CROCC: variants seen among roughly 807,000 people sequenced by gnomAD.
The protein encoded by CROCC is ciliary rootlet coiled-coil, rootletin.
A neutral mutation model predicts 245.2 loss-of-function variants in CROCC; 180 were observed. That is an observed-to-expected ratio of 0.73 (90% CI 0.65 to 0.83). The LOEUF is 0.83. CROCC is among the 40% of genes least tolerant of loss of function. The probability of loss-of-function intolerance (pLI) is 0.00; values close to 1 mark genes in which losing one functional copy is unlikely to be tolerated. For missense variants in CROCC, 2,688 were observed against 2,779.4 expected (o/e 0.97, Z 0.74); for synonymous variants, 1,205 against 1,241.6 (o/e 0.97, Z 0.62).
intron 7 of CROCC, 97 bp downstream of exon 7, chr1:16,930,691 T>A: frequency 7.1e-7 from 1 of 1,410,972 alleles, no homozygotes; most frequent in South Asian, 1.4e-5. Flanking sequence ...GAGGGAGCAC[T>A]GTCCAAGGGA....
At chr1:16,942,186 T>C (rs1327804242) in intron 13 of CROCC, among the ~76,000 whole-genome samples, 1 of 152,240 alleles carries the variant, frequency 6.6e-6, no homozygotes, top group Non-Finnish European at 1.5e-5. Context: ...AATTTTTCTG[T>C]TTTTTGTAGA....
chr1:16,961,078 C>T lies in CROCC; in HGVS notation c.4353C>T (p.Ser1451=), dbSNP rs1479176028. The T allele has an allele frequency of 1.6e-5, 22 of 1,362,452 alleles. No homozygotes were observed. The highest frequency in any genetic ancestry group is 2.0e-5 in the Non-Finnish European group (21 of 1,061,244). 84.4% of individuals were successfully genotyped at this position (1,362,452 alleles called of 1,614,324 possible). Residue 1451 remains serine, a synonymous_variant, in exon 27 of 37, where the codon AGC becomes AGT. Coordinates refer to ENST00000375541, the MANE Select transcript of CROCC (RefSeq NM_014675.5). ...GCCTCGGCCTCGGTCGCGCGCCCAGCCCAGCCCCGCGGCCAGTGCCCGGTT... is the reference window on the plus strand; with the variant it reads ...GCCTCGGCCTCGGTCGCGCGCCCAGTCCAGCCCCGCGGCCAGTGCCCGGTT... ...RRGLGLGRAP[S]PAPRPVPGSP... is the part of the protein sequence containing the mutation.
intron 2 of CROCC, among the ~76,000 whole-genome samples, chr1:16,923,316 G>T (rs111306452): frequency 6.6e-6 from 1 of 152,286 alleles, no homozygotes; most frequent in Non-Finnish European, 1.5e-5. Flanking sequence ...GGCGTGTGGC[G>T]TTTTGGTGCT....
At chr1:16,938,591 G>A in intron 11 of CROCC, 108 bp downstream of exon 11, 2 of 1,100,652 alleles carry the variant, frequency 1.8e-6, no homozygotes, top group East Asian at 2.6e-5. Flanking sequence ...TGGGGGCCTG[G>A]GACCCAGGCT....
In CROCC at chr1:16,922,658, C is replaced by T. The variant is rs1476500660; in HGVS notation, c.61-5C>T. On this transcript the variant is annotated splice_region_variant and splice_polypyrimidine_tract_variant and intron_variant, in intron 1 of 36. Transcript: ENST00000375541. The stretch of plus-strand genomic sequence containing the variant: ...CCCCTGAAGACCCTCTCGCTTTTCC[C>T]ACAGACACTGGAGAGCAGCGTCCTG... The T allele has an allele frequency of 1.2e-6, 2 of 1,600,216 alleles. No homozygotes were observed. Among genetic ancestry groups the T allele is most frequent in the South Asian group, 1.1e-5 (1 of 89,140 alleles).
In CROCC at chr1:16,929,002, T is replaced by C. The variant is rs1462612954; in HGVS notation, c.352-844T>C. Among the ~76,000 whole-genome samples, 6 of 152,260 alleles carry C rather than the reference T, an allele frequency of 3.9e-5. No individual in the cohort carries two copies. The East Asian group carries it at 1.2e-3, about 29-fold the overall frequency. On this transcript the variant is annotated intron_variant, in intron 3 of 36. Transcript: ENST00000375541. The stretch of plus-strand genomic sequence containing the variant: ...ACACCACGCCCAGCTAATTTTTGTA[T>C]TTTTAGTAGAGACGGGGTTTCATCA...
At position 16,970,705 on chromosome 1, in the gene CROCC, C is replaced by T. The variant is rs147926226; in HGVS notation, c.5722C>T (p.Arg1908Cys). 4,336 of 1,604,400 alleles carry T rather than the reference C, an allele frequency of 2.7e-3. 11 individuals are homozygous for T. Among genetic ancestry groups the T allele is most frequent in the Middle Eastern group, 0.011 (60 of 5,460 alleles). Residue 1908 changes from arginine (R) to cysteine (C), a missense_variant, in exon 35 of 37, where the codon CGC becomes TGC. Arg to Cys is a radical substitution (Grantham distance 180). Transcript: ENST00000375541. Reference sequence around the variant, plus strand: ...GAGCGCAGAGAAGGGCCGCCTGGACCGCACCCTCACGGGGGCTGAGCTGGA... The same window carrying T: ...GAGCGCAGAGAAGGGCCGCCTGGACTGCACCCTCACGGGGGCTGAGCTGGA... ...RLSAEKGRLD[R>C]TLTGAELELA...
chr1:16,923,889 C>T (rs1343041455), intron 2 of CROCC, among the ~76,000 whole-genome samples: 3 of 152,258 alleles, frequency 2.0e-5, no homozygotes, highest in Non-Finnish European at 4.4e-5. Flanking sequence ...CCGTGTTGGC[C>T]AGGCTAGTCT....
intron 20 of CROCC, 48 bp downstream of exon 20, chr1:16,951,170 A>G (rs2076153939): frequency 7.1e-7 from 1 of 1,405,350 alleles, no homozygotes; most frequent in Non-Finnish European, 9.3e-7. Flanking sequence ...CCAGTGTTTC[A>G]TCATCGTTCT....
At chr1:16,929,656 G>A (rs1173182960) in intron 3 of CROCC, among the ~76,000 whole-genome samples, 190 bp from the exon 4 acceptor site, 2 of 152,258 alleles carry the variant, frequency 1.3e-5, no homozygotes, top group Non-Finnish European at 2.9e-5. Flanking sequence ...CTGCGTGCCC[G>A]TGCATGGCTG....
upstream of CROCC, among the ~76,000 whole-genome samples, chr1:16,918,768 T>C (rs1314410475): frequency 6.7e-6 from 1 of 148,318 alleles, no homozygotes; most frequent in African/African-American, 2.5e-5. Flanking sequence ...ACAGAGTCTC[T>C]CTCTGTCACC....
rs555272437 is a variant in CROCC at position 16,923,246 on chromosome 1, C to T, written c.196+448C>T. ...TGCTCCTCTCAGTGGGTGGCGCACA[C>T]GGTGTAGTTATGTGGCTTGAGGATC... On this transcript the variant is annotated intron_variant, in intron 2 of 36. Coordinates refer to ENST00000375541, the MANE Select transcript of CROCC (RefSeq NM_014675.5). Among the ~76,000 whole-genome samples the T allele has an allele frequency of 7.9e-5, 12 of 152,392 alleles. No homozygotes were observed. The East Asian group carries it at 9.6e-4, about 12-fold the overall frequency.
Position 16,966,683 on chromosome 1 carries a change from C to A in CROCC, c.4860+112C>A. 1 of 1,258,644 alleles carries A rather than the reference C, an allele frequency of 7.9e-7. No individual in the cohort carries two copies. Among genetic ancestry groups the A allele is most frequent in the Non-Finnish European group, 1.1e-6 (1 of 950,732 alleles). 78.0% of individuals were successfully genotyped at this position (1,258,644 alleles called of 1,614,324 possible). A position where few individuals can be genotyped will look rare whatever the true frequency, so the allele number is the denominator to read the frequency against. On this transcript the variant is annotated intron_variant, in intron 30 of 36. Coordinates refer to ENST00000375541, the MANE Select transcript of CROCC (RefSeq NM_014675.5). This position sits in a 1 kb window ranked among gnomAD's most constrained non-coding sequence, Gnocchi z 4.8. Reference sequence around the variant, plus strand: ...TGTCTGCCTGAGTCTCTCTGCAACCCACTGAGGTGACCAGCCTGTGACTCT... The same window carrying A: ...TGTCTGCCTGAGTCTCTCTGCAACCAACTGAGGTGACCAGCCTGTGACTCT...
At chr1:16,937,864 T>A in intron 10 of CROCC, 127 bp downstream of exon 10, 1 of 818,070 alleles carries the variant, frequency 1.2e-6, no homozygotes, top group Non-Finnish European at 2.0e-6. Flanking sequence ...GGTTCAGCCC[T>A]CACAGGTGTG....
Position 16,930,332 on chromosome 1 carries a change from A to G in CROCC, c.668A>G (p.Glu223Gly). ...QDLESALIRL[E>G]EEQQRSASLA... ...CTGGAAAGCGCCCTCATCCGGCTGG[A>G]GGAGGAGCAGCAGAGGTGAGGGCGC... Residue 223 changes from glutamate (E) to glycine (G), a missense_variant, in exon 6 of 37, where the codon GAG (glutamate) becomes GGG (glycine). This residue lies in a region of CROCC where 972 missense variants were observed against 895.3 expected (regional missense o/e 1.09). Coordinates refer to ENST00000375541, the MANE Select transcript of CROCC (RefSeq NM_014675.5). 6.2e-7 allele frequency: 1 copy of G among 1,610,286 alleles called. No individual in the cohort carries two copies. The highest frequency in any genetic ancestry group is 8.5e-7 in the Non-Finnish European group (1 of 1,179,122).
intron 25 of CROCC, among the ~76,000 whole-genome samples, chr1:16,956,812 C>A (rs992364868): frequency 1.3e-5 from 2 of 152,076 alleles, no homozygotes; most frequent in Admixed American, 1.3e-4. Context: ...AGTTCGCTGA[C>A]CCGTGAATTC....
rs111998256 is a variant in CROCC, at chr1:16,969,103, G to C, written c.5077-13G>C. ...GGGAACAGCCCCGATTGTTCTGGCT[G>C]TCCTCCTGCCAGGTGGCCGACAGCG... On this transcript the variant is annotated splice_polypyrimidine_tract_variant and intron_variant, in intron 31 of 36. Transcript: ENST00000375541. 3.2e-6 allele frequency: 5 copies of C among 1,587,052 alleles called. No homozygotes were observed. In the African/African-American group the frequency reaches 5.3e-5, roughly 17 times the overall value.
chr1:16,923,505 C>A (rs1391924729), intron 2 of CROCC, among the ~76,000 whole-genome samples: 1 of 152,220 alleles, frequency 6.6e-6, no homozygotes, highest in Non-Finnish European at 1.5e-5. Context: ...AGGTGGACAA[C>A]CCCGCTTCTC....
At position 16,966,362 on chromosome 1, in the gene CROCC, C is replaced by T. The variant is rs1220866502; in HGVS notation, c.4697-46C>T. On this transcript the variant is annotated intron_variant, in intron 29 of 36. Coordinates refer to ENST00000375541, the MANE Select transcript of CROCC (RefSeq NM_014675.5). This position sits in a 1 kb window ranked among gnomAD's most constrained non-coding sequence, Gnocchi z 4.8. ...ACATTTTGTGACCTGGTTTGGGTCT[C>T]GGGGCTGTGCTTGGCCATGCCTGAC... 5.4e-6 allele frequency: 8 copies of T among 1,481,368 alleles called. No individual in the cohort carries two copies. Among genetic ancestry groups the T allele is most frequent in the Middle Eastern group, 2.5e-4 (1 of 4,050 alleles). 91.8% of individuals were successfully genotyped at this position (1,481,368 alleles called of 1,614,324 possible). A position where few individuals can be genotyped will look rare whatever the true frequency, so the allele number is the denominator to read the frequency against.
Sources: gnomAD v4.1 joint callset for allele counts (sites outside exome capture counted in the v4.1 genomes callset) on GRCh38, gnomAD v4.1.1 for gene constraint, gnomAD v4.1.1 regional missense constraint, Gnocchi (gnomAD v3.1) non-coding constraint, MANE v1.5 for transcripts, NCBI Gene and HGNC (gene_info 2026-07-23, HGNC 2026-07-21) for gene names.